HERPUD2: variants seen among roughly 807,000 people sequenced by gnomAD.
HERPUD2 encodes HERPUD family member 2.
Under a neutral mutation model 49.9 loss-of-function variants are expected in HERPUD2, and 13 were observed. That is an observed-to-expected ratio of 0.26 (90% confidence interval 0.17 to 0.41). The LOEUF is 0.41. HERPUD2 is among the 10% of genes least tolerant of loss of function. The pLI is 1.00. For synonymous variants in HERPUD2, 172 were observed against 171.4 expected (o/e 1.00, Z -0.03); for missense variants, 449 against 492.2 (o/e 0.91, Z 0.83).
chr7:35,642,433 A>G (rs946415891), intron 5 of HERPUD2, among the ~76,000 whole-genome samples: 4 of 152,220 alleles, frequency 2.6e-5, no homozygotes, highest in African/African-American at 7.2e-5. Context: ...CAGAACTACC[A>G]TTTGACCCAG....
chr7:35,633,985 C>G (rs1461436493), intron 8 of HERPUD2, 134 bp from the exon 9 acceptor site: 4 of 840,700 alleles, frequency 4.8e-6, no homozygotes, highest in Non-Finnish European at 7.2e-6. Flanking sequence ...ATCTTTAAGG[C>G]CAAAATTGAT....
At chr7:35,672,918 T>G (rs1267651807) in intron 3 of HERPUD2, among the ~76,000 whole-genome samples, 1 of 152,094 alleles carries the variant, frequency 6.6e-6, no homozygotes, top group Non-Finnish European at 1.5e-5. Context: ...ATTCTACTTC[T>G]ACACTACTGA....
Position 35,667,437 on chromosome 7 carries a change from T to C in HERPUD2, c.491A>G (p.Gln164Arg). Residue 164 changes from glutamine to arginine, a missense_variant, in exon 5 of 9, where the codon CAA (glutamine) becomes CGA (arginine). Physicochemically the swap from Gln to Arg is conservative, Grantham distance 43. Coordinates refer to ENST00000311350, the MANE Select transcript of HERPUD2 (RefSeq NM_022373.5). ...AQSHQFPYVM[Q>R]GNVDNQFPGQ... ...TAGCTACCACAATTTCACTTACCCT[T>C]GCATTACATATGGAAACTGGTGACT... 1.2e-6 allele frequency: 2 copies of C among 1,612,210 alleles called. No homozygotes were observed. Among genetic ancestry groups the C allele is most frequent in the Non-Finnish European group, 1.7e-6 (2 of 1,178,522 alleles).
intron 2 of HERPUD2, among the ~76,000 whole-genome samples, chr7:35,685,632 T>C (rs1201389711): frequency 1.3e-5 from 2 of 151,964 alleles, no homozygotes; most frequent in East Asian, 1.9e-4. Context: ...GGCCGGAAAT[T>C]TTTTATGCCA....
rs763901803 is a variant in HERPUD2, at chr7:35,635,478, A to G, written c.618-20T>C. On this transcript the variant is annotated intron_variant, in intron 6 of 8. Coordinates refer to ENST00000311350, the MANE Select transcript of HERPUD2 (RefSeq NM_022373.5). ...GCTTGACTGAAATAGTCACCAAAATAAATATTAAAAAGAAAAAAAAACTTT... is the reference window on the plus strand; with the variant it reads ...GCTTGACTGAAATAGTCACCAAAATGAATATTAAAAAGAAAAAAAAACTTT... The G allele has an allele frequency of 3.8e-6, 6 of 1,566,760 alleles. No homozygotes were observed. The South Asian group carries it at 6.0e-5, about 16-fold the overall frequency.
chr7:35,682,088 AG>A (rs1364665538), intron 2 of HERPUD2, among the ~76,000 whole-genome samples: 3 of 151,976 alleles, frequency 2.0e-5, no homozygotes, highest in Admixed American at 6.6e-5. Context: ...CCCAGGCTGG[AG>A]TACAGTGGCA....
At chr7:35,633,946 A>T in intron 8 of HERPUD2, 95 bp from the exon 9 acceptor site, 1 of 1,257,746 alleles carries the variant, frequency 8.0e-7, no homozygotes, top group Middle Eastern at 1.9e-4. Context: ...ACAAAGGACT[A>T]TGAAGTGGTA....
At chr7:35,647,224 T>C (rs1785071110) in intron 5 of HERPUD2, among the ~76,000 whole-genome samples, 1 of 152,104 alleles carries the variant, frequency 6.6e-6, no homozygotes, top group Admixed American at 6.6e-5. Flanking sequence ...AGCCTCCTTT[T>C]CAAGACTCTG....
chr7:35,635,431 T>C lies in HERPUD2; in HGVS notation c.645A>G (p.Thr215=), dbSNP rs758135857. The change falls in exon 7 of 9, where the codon ACA becomes ACG. Residue 215 remains threonine (T), a synonymous_variant. Transcript: ENST00000311350. ...TAGGCTGGGTTGGGTTGACATTTGA[T>C]GTGGCCTGAGCTGAAACTGCAGCTT... The part of the protein sequence containing the change: ...QYQAAVSAQA[T]SNVNPTQPTT... 5 of 1,614,046 alleles carry C rather than the reference T, an allele frequency of 3.1e-6. No individual in the cohort carries two copies. The highest frequency in any genetic ancestry group is 4.2e-6 in the Non-Finnish European group (5 of 1,179,962).
intron 5 of HERPUD2, among the ~76,000 whole-genome samples, chr7:35,654,634 TCCAGGA>T (rs2115893932): frequency 6.9e-6 from 1 of 145,068 alleles, no homozygotes. Flanking sequence ...CAAAGAAAAG[TCCAGGA>T]TTGGATGGCT....
At chr7:35,635,071 C>A in intron 7 of HERPUD2, 64 bp downstream of exon 7, 1 of 1,218,406 alleles carries the variant, frequency 8.2e-7, no homozygotes, top group Admixed American at 1.8e-5. Flanking sequence ...GACTACCCTA[C>A]ACCAGATTCT....
At position 35,674,398 on chromosome 7, in the gene HERPUD2, TATATATAGAGAGAGAGAGAGAG is replaced by T. The variant is rs1383224163; in HGVS notation, c.148-1142_148-1121del. Among the ~76,000 whole-genome samples, 11 of 61,372 alleles carry T rather than the reference TATATATAGAGAGAGAGAGAGAG, an allele frequency of 1.8e-4. No individual in the cohort carries two copies. In the East Asian group the frequency reaches 2.2e-3, roughly 12 times the overall value. The allele number at this position is 61,372 out of a possible 152,430, so 40.3% of individuals were successfully genotyped here. A position where few individuals can be genotyped will look rare whatever the true frequency, so the allele number is the denominator to read the frequency against. On this transcript the variant is annotated intron_variant, in intron 2 of 8. Transcript: ENST00000311350. Reference sequence around the variant, plus strand: ...TACAACCTATATATATATATATATATATATATAGAGAGAGAGAGAGAGAGAGAGAGAGAGAGAGAGAGAGAGA... The same window carrying T: ...TACAACCTATATATATATATATATATAGAGAGAGAGAGAGAGAGAGAGAGA...
At chr7:35,670,455 A>G (rs1785621249) in intron 3 of HERPUD2, 127 bp from the exon 4 acceptor site, 4 of 403,766 alleles carry the variant, frequency 9.9e-6, no homozygotes, top group African/African-American at 8.2e-5. Context: ...TTACTGATAA[A>G]TTGTTATCAT....
At chr7:35,661,548 G>C (rs575413784) in intron 5 of HERPUD2, among the ~76,000 whole-genome samples, 1 of 152,014 alleles carries the variant, frequency 6.6e-6, no homozygotes, top group Non-Finnish European at 1.5e-5. Flanking sequence ...CTTTTATTTC[G>C]CTGAGCAGTG....
chr7:35,682,671 ACTC>A (rs1785941164), intron 2 of HERPUD2, among the ~76,000 whole-genome samples: 2 of 151,560 alleles, frequency 1.3e-5, no homozygotes, highest in South Asian at 4.2e-4. Context: ...AAATCCAAAG[ACTC>A]CTCCAGAAAG....
At chr7:35,669,405 T>G (rs1289085415) in intron 4 of HERPUD2, among the ~76,000 whole-genome samples, 1 of 152,178 alleles carries the variant, frequency 6.6e-6, no homozygotes, top group African/African-American at 2.4e-5. Flanking sequence ...GTGCTCTCTT[T>G]CAAGCTTTGG....
chr7:35,694,633 C>A lies in HERPUD2; in HGVS notation c.-297-6G>T, dbSNP rs62454607. The A allele has an allele frequency of 0.4, 138,751 of 350,418 alleles. 29,433 individuals carry two copies. The highest frequency in any genetic ancestry group is 0.53 in the South Asian group (17,290 of 32,334). The allele number at this position is 350,418 out of a possible 1,614,324, so 21.7% of individuals were successfully genotyped here. A position where few individuals can be genotyped will look rare whatever the true frequency, so the allele number is the denominator to read the frequency against. On this transcript the variant is annotated splice_region_variant and splice_polypyrimidine_tract_variant and intron_variant, in intron 1 of 8. Coordinates refer to ENST00000311350, the MANE Select transcript of HERPUD2 (RefSeq NM_022373.5). Reference sequence around the variant, plus strand: ...CGTCGTGAGGAGAAAGGAAGCTATACGAAGGAAGGGTGGGAGGGATGAGGG... The same window carrying A: ...CGTCGTGAGGAGAAAGGAAGCTATAAGAAGGAAGGGTGGGAGGGATGAGGG...
chr7:35,645,047 G>A (rs1276855659), intron 5 of HERPUD2, among the ~76,000 whole-genome samples: 1 of 152,124 alleles, frequency 6.6e-6, no homozygotes, highest in Non-Finnish European at 1.5e-5. Context: ...CTAGCCCAAG[G>A]ATAAAAAAGG....
chr7:35,640,542 A>C (rs982150353), intron 5 of HERPUD2, among the ~76,000 whole-genome samples: 2 of 152,330 alleles, frequency 1.3e-5, no homozygotes, highest in Middle Eastern at 3.4e-3. Flanking sequence ...AACCTCCCCA[A>C]GTATTCTTCC....
Sources: gnomAD v4.1 joint callset for allele counts (sites outside exome capture counted in the v4.1 genomes callset) on GRCh38, gnomAD v4.1.1 for gene constraint, MANE v1.5 for transcripts, NCBI Gene and HGNC (gene_info 2026-07-23, HGNC 2026-07-21) for gene names.